Variants in MAP3K5 observed in about 807,000 individuals in gnomAD.
MAP3K5 encodes the protein ASK-1.
Under a neutral mutation model 158.7 loss-of-function variants are expected in MAP3K5, and 56 were observed. That is an observed-to-expected ratio of 0.35 (90% CI 0.28 to 0.44). MAP3K5 has a LOEUF of 0.44. Ranked by LOEUF, MAP3K5 falls within the 20% of genes least tolerant of loss-of-function variation. The pLI is 1.00. For synonymous variants in MAP3K5, 579 were observed against 601.7 expected (o/e 0.96, Z 0.55); for missense variants, 1,294 against 1,674.8 (o/e 0.77, Z 3.97).
intron 1 of MAP3K5, among the ~76,000 whole-genome samples, chr6:136,722,163 T>C (rs1193898727): frequency 2.0e-5 from 3 of 152,204 alleles, no homozygotes; most frequent in African/African-American, 7.2e-5. Flanking sequence ...CAGACTTAGC[T>C]GAATAGCTAT....
chr6:136,620,538 G>C (rs902315334), intron 15 of MAP3K5, among the ~76,000 whole-genome samples: 2 of 152,182 alleles, frequency 1.3e-5, no homozygotes, highest in African/African-American at 4.8e-5. Flanking sequence ...GGGGAGCTCA[G>C]GGGTGGGTCC....
At chr6:136,751,905 T>C (rs1014159608) in intron 1 of MAP3K5, among the ~76,000 whole-genome samples, 5 of 152,240 alleles carry the variant, frequency 3.3e-5, no homozygotes, top group African/African-American at 1.2e-4. Context: ...GTTTGATTTA[T>C]GGCTTGATAG....
intron 15 of MAP3K5, among the ~76,000 whole-genome samples, chr6:136,619,922 G>C (rs922732036): frequency 6.6e-6 from 1 of 152,198 alleles, no homozygotes; most frequent in Non-Finnish European, 1.5e-5. Context: ...TACATGGGGA[G>C]ACAGTAACTG....
intron 23 of MAP3K5, among the ~76,000 whole-genome samples, chr6:136,589,471 G>A (rs1775287362): frequency 6.6e-6 from 1 of 152,184 alleles, no homozygotes; most frequent in Admixed American, 6.5e-5. Context: ...TTCTCCTGGT[G>A]CATATTTGGG....
chr6:136,595,874 G>T lies in MAP3K5; in HGVS notation c.2879-3260C>A, dbSNP rs115888657. 7.0e-3 allele frequency among the ~76,000 whole-genome samples: 1,073 copies of T among 152,256 alleles called. 10 individuals carry two copies. Among genetic ancestry groups the T allele is most frequent in the African/African-American group, 0.024 (990 of 41,546 alleles). On this transcript the variant is annotated intron_variant, in intron 21 of 29. Coordinates refer to ENST00000359015, the MANE Select transcript of MAP3K5 (RefSeq NM_005923.4). ...AAAATACAAAAATTAGCCTGACATG[G>T]TGGTGTGTGCCTGTAGTGACAGCTA... is the stretch of plus-strand genomic sequence containing the variant.
At chr6:136,600,116 G>A (rs1291490884) in intron 21 of MAP3K5, among the ~76,000 whole-genome samples, 1 of 151,722 alleles carries the variant, frequency 6.6e-6, no homozygotes, top group Non-Finnish European at 1.5e-5. Flanking sequence ...CATGCACAAT[G>A]AACATTAAGC....
At chr6:136,681,220 T>TA (rs1269280858) in intron 7 of MAP3K5, among the ~76,000 whole-genome samples, 1 of 152,182 alleles carries the variant, frequency 6.6e-6, no homozygotes, top group Non-Finnish European at 1.5e-5. Flanking sequence ...GCCTGGCAAA[T>TA]ATCTAGTTCT....
At chr6:136,611,421 T>G (rs777972731) in intron 17 of MAP3K5, 34 bp from the exon 18 acceptor site, 1 of 1,250,704 alleles carries the variant, frequency 8.0e-7, no homozygotes, top group Non-Finnish European at 1.2e-6. Context: ...ACAATTGTTA[T>G]CTTTCTTCAG....
In MAP3K5 at chr6:136,748,711, G is replaced by A. The variant is rs144238956; in HGVS notation, c.449-28122C>T. On this transcript the variant is annotated intron_variant, in intron 1 of 29. Coordinates refer to ENST00000359015, the MANE Select transcript of MAP3K5 (RefSeq NM_005923.4). ...AGAAATAAAGAATTAAAACTTGAAG[G>A]CAAGTTTTTAGAAGTTAAAAGTTGA... Among the ~76,000 whole-genome samples the A allele has an allele frequency of 2.1e-3, 322 of 152,306 alleles. 6 individuals carry two copies. In the South Asian group the frequency reaches 0.032, roughly 15 times the overall value.
intron 20 of MAP3K5, among the ~76,000 whole-genome samples, chr6:136,601,311 CTCTT>C (rs772611902): frequency 8.5e-5 from 13 of 152,066 alleles, no homozygotes; most frequent in Admixed American, 5.2e-4. Context: ...AATCTTTTCT[CTCTT>C]TCTTTTTCCT....
At chr6:136,598,035 G>A (rs1046467867) in intron 21 of MAP3K5, among the ~76,000 whole-genome samples, 7 of 152,156 alleles carry the variant, frequency 4.6e-5, no homozygotes, top group Admixed American at 1.3e-4. Flanking sequence ...TATTATTTCA[G>A]ATAAAAATTT....
intron 9 of MAP3K5, among the ~76,000 whole-genome samples, chr6:136,658,292 C>CT (rs1056499044): frequency 1.5e-5 from 2 of 130,872 alleles, no homozygotes; most frequent in Non-Finnish European, 3.3e-5. Flanking sequence ...TTTTCTTTTT[C>CT]TTTTCTTTCT....
chr6:136,671,539 T>A (rs1473400139), intron 7 of MAP3K5, among the ~76,000 whole-genome samples: 3 of 152,202 alleles, frequency 2.0e-5, no homozygotes, highest in Non-Finnish European at 4.4e-5. Context: ...GAAGTGGGAA[T>A]TCTCCCATAC....
intron 15 of MAP3K5, among the ~76,000 whole-genome samples, chr6:136,621,574 C>T (rs1668071853): frequency 1.3e-5 from 2 of 152,118 alleles, no homozygotes; most frequent in Non-Finnish European, 1.5e-5. Flanking sequence ...GGGAAGAGTT[C>T]GACAGGTCTG....
chr6:136,659,906 C>T (rs1389396626), intron 8 of MAP3K5, among the ~76,000 whole-genome samples: 1 of 152,044 alleles, frequency 6.6e-6, no homozygotes, highest in African/African-American at 2.4e-5. Context: ...GGTAAAAAAA[C>T]AATAGTAAGT....
chr6:136,627,728 G>A (rs1265389774), intron 14 of MAP3K5, among the ~76,000 whole-genome samples: 2 of 152,118 alleles, frequency 1.3e-5, no homozygotes, highest in Non-Finnish European at 2.9e-5. Flanking sequence ...TGAATCTGCT[G>A]GTGCCTTGAT....
chr6:136,784,274 G>C (rs1394132880), intron 1 of MAP3K5, among the ~76,000 whole-genome samples: 1 of 152,180 alleles, frequency 6.6e-6, no homozygotes, highest in Non-Finnish European at 1.5e-5. Context: ...GATGATGTGG[G>C]GTAAGAAATT....
At chr6:136,742,060 T>C (rs1782731666) in intron 1 of MAP3K5, among the ~76,000 whole-genome samples, 2 of 152,198 alleles carry the variant, frequency 1.3e-5, no homozygotes, top group Non-Finnish European at 2.9e-5. Context: ...TGTCAAGATG[T>C]CAGTTCTTCA....
chr6:136,660,382 T>C (rs1287223840), intron 8 of MAP3K5, among the ~76,000 whole-genome samples: 1 of 151,204 alleles, frequency 6.6e-6, no homozygotes, highest in Admixed American at 6.6e-5. Context: ...CAAGATTCTG[T>C]CTCATGAAAA....
Sources: allele counts gnomAD v4.1 joint callset (sites outside exome capture counted in the v4.1 genomes callset), GRCh38; gene constraint gnomAD v4.1.1; transcripts MANE v1.5; gene names NCBI Gene and HGNC (gene_info 2026-07-23, HGNC 2026-07-21).